The following THOC2 variants were observed in gnomAD, a reference collection of about 807,000 sequenced individuals.
THOC2 encodes THO complex subunit 2, also known as THO complex 2.
A neutral mutation model predicts 128.4 loss-of-function variants in THOC2; 10 were observed. That is an observed-to-expected ratio of 0.08 (90% CI 0.05 to 0.13). The LOEUF (loss-of-function observed/expected upper bound fraction) is 0.13. THOC2 is among the 10% of genes least tolerant of loss of function. The pLI, the probability that THOC2 is intolerant of heterozygous loss-of-function variation, is 1.00. For synonymous variants in THOC2, 393 were observed against 396.9 expected, an observed-to-expected ratio of 0.99 and a Z score of 0.12; for missense variants, 535 against 1,155.7, an observed-to-expected ratio of 0.46 and a Z score of 7.79.
chrX:123,695,147 G>A (rs1417476691), intron 7 of THOC2, among the ~76,000 whole-genome samples: 1 of 111,085 alleles, frequency 9.0e-6, no homozygotes, highest in Non-Finnish European at 1.9e-5. Flanking sequence ...AAAAGAGAAA[G>A]AACCAAGAAG....
Position 123,623,966 on chromosome X carries a change from C to T in THOC2, c.3324G>A (p.Ser1108=), listed in dbSNP as rs375768878. 1.1e-5 allele frequency: 13 copies of T among 1,188,569 alleles called. No individual in the cohort carries two copies. Among genetic ancestry groups the T allele is most frequent in the East Asian group, 3.0e-5 (1 of 33,574 alleles). ...HKWHYKLTKA[S]VHCLETGEYT... ...ATTCGCCTGTTTCAAGGCAATGTAC[C>T]GATGCCTACAACAAACATTTTCAGA... The change falls in exon 28 of 39, where the codon TCG becomes TCA. Residue 1108 remains serine (S), a synonymous_variant. Coordinates refer to ENST00000245838, the MANE Select transcript of THOC2 (RefSeq NM_001081550.2).
At chrX:123,612,878 C>A (rs1279818301) in intron 36 of THOC2, among the ~76,000 whole-genome samples, 1 of 111,281 alleles carries the variant, frequency 9.0e-6, no homozygotes, top group African/African-American at 3.3e-5. Context: ...ATGGCAGATG[C>A]GTGAGATTCA....
intron 4 of THOC2, among the ~76,000 whole-genome samples, chrX:123,698,843 CCAGCCTGGGTGA>C (rs1272145584): frequency 9.2e-6 from 1 of 108,366 alleles, no homozygotes; most frequent in Non-Finnish European, 1.9e-5. Context: ...CCACTGCACT[CCAGCCTGGGTGA>C]CAGAGTAAGA....
At chrX:123,709,379 A>C (rs1403311854) in intron 2 of THOC2, among the ~76,000 whole-genome samples, 1 of 110,588 alleles carries the variant, frequency 9.0e-6, no homozygotes, top group Non-Finnish European at 1.9e-5. Flanking sequence ...ATCACAAGGT[A>C]AGGAGACCGA....
intron 8 of THOC2, among the ~76,000 whole-genome samples, chrX:123,677,235 A>AC (rs1371306801): frequency 1.8e-5 from 2 of 111,507 alleles, no homozygotes; most frequent in Non-Finnish European, 3.8e-5. Flanking sequence ...AAAATGGTAC[A>AC]CCTGTGTAGG....
intron 10 of THOC2, among the ~76,000 whole-genome samples, chrX:123,667,718 G>GA (rs758767161): frequency 5.5e-5 from 6 of 109,221 alleles, no homozygotes; most frequent in African/African-American, 2.0e-4. Flanking sequence ...CAGCCCGGGT[G>GA]AAAGAGTGAG....
intron 4 of THOC2, 113 bp downstream of exon 4, chrX:123,703,341 G>T: frequency 4.4e-6 from 2 of 459,613 alleles, no homozygotes; most frequent in Non-Finnish European, 7.4e-6. Context: ...GAATCAATTT[G>T]CTTCTAGACT....
chrX:123,657,293 A>G (rs781101307), intron 12 of THOC2, among the ~76,000 whole-genome samples: 1 of 110,525 alleles, frequency 9.0e-6, no homozygotes, highest in African/African-American at 3.3e-5. Context: ...GAAATAGCAG[A>G]AGGAAGGAAG....
At chrX:123,665,985 T>G (rs765110212) in intron 11 of THOC2, 148 bp from the exon 12 acceptor site, 1 of 292,642 alleles carries the variant, frequency 3.4e-6, no homozygotes, top group African/African-American at 2.8e-5. Flanking sequence ...CTTTCTACAT[T>G]TCAATTGTGC....
chrX:123,640,699 C>T (rs1162722270), intron 15 of THOC2, 77 bp from the exon 16 acceptor site: 1 of 554,696 alleles, frequency 1.8e-6, no homozygotes, highest in Non-Finnish European at 2.8e-6. Flanking sequence ...GTTACATCAT[C>T]GTGGGGGAAA....
chrX:123,626,513 C>A lies in THOC2; in HGVS notation c.2899+8G>T. 8.5e-7 allele frequency: 1 copy of A among 1,173,699 alleles called. No homozygotes were observed. Among genetic ancestry groups the A allele is most frequent in the South Asian group, 1.9e-5 (1 of 51,671 alleles). The stretch of plus-strand genomic sequence containing the variant: ...AGCATCAGGAACCTAACAATTCCAA[C>A]AACTTACTTGCTAAAAGCCAGTTGT... On this transcript the variant is annotated splice_region_variant and intron_variant, in intron 24 of 38. Coordinates refer to ENST00000245838, the MANE Select transcript of THOC2 (RefSeq NM_001081550.2).
In THOC2 at chrX:123,715,154, C is replaced by A. The variant is rs1346994950; in HGVS notation, c.72-2246G>T. On this transcript the variant is annotated intron_variant, in intron 1 of 38. Transcript: ENST00000245838. ...ACCTCAGCCTCAGCACCACCACCCC[C>A]CCAACATCCCATTAGGTGGGACCAC... Among the ~76,000 whole-genome samples the A allele has an allele frequency of 4.6e-5, 5 of 107,781 alleles. No homozygotes were observed. The East Asian group carries it at 8.9e-4, about 19-fold the overall frequency. The allele number at this position is 107,781 out of a possible 115,157, so 93.6% of individuals were successfully genotyped here. A position where few individuals can be genotyped will look rare whatever the true frequency, so the allele number is the denominator to read the frequency against.
chrX:123,629,980 A>G (rs891549813), intron 22 of THOC2, among the ~76,000 whole-genome samples: 2 of 111,998 alleles, frequency 1.8e-5, no homozygotes, highest in African/African-American at 6.5e-5. Flanking sequence ...TTAAAACTAA[A>G]AATTAGTTTA....
chrX:123,657,800 G>A (rs2048661370), intron 12 of THOC2, among the ~76,000 whole-genome samples: 1 of 111,707 alleles, frequency 9.0e-6, no homozygotes, highest in Non-Finnish European at 1.9e-5. Flanking sequence ...AAGAATATAG[G>A]TCAGAAACTT....
intron 1 of THOC2, among the ~76,000 whole-genome samples, chrX:123,725,032 C>G (rs1488121044): frequency 8.9e-6 from 1 of 111,775 alleles, no homozygotes; most frequent in Non-Finnish European, 1.9e-5. Context: ...GAGCCAAGAT[C>G]ACACCAGTGA....
At chrX:123,731,840 T>G (rs1164156770) in intron 1 of THOC2, among the ~76,000 whole-genome samples, 1 of 111,547 alleles carries the variant, frequency 9.0e-6, no homozygotes, top group Non-Finnish European at 1.9e-5. Flanking sequence ...GTAACGAAGT[T>G]ACAAAGATTT....
chrX:123,637,893 G>T, intron 18 of THOC2, 150 bp downstream of exon 18: 2 of 410,271 alleles, frequency 4.9e-6, no homozygotes, highest in Non-Finnish European at 8.4e-6. Flanking sequence ...ACATAGCCAA[G>T]GGCTCTGCAG....
chrX:123,697,810 G>A, intron 4 of THOC2, 59 bp from the exon 5 acceptor site: 2 of 493,998 alleles, frequency 4.0e-6, no homozygotes, highest in Non-Finnish European at 6.6e-6. Flanking sequence ...CAGCACTAAA[G>A]TAAGATACTT....
At chrX:123,668,928 C>A (rs1339062258) in intron 9 of THOC2, among the ~76,000 whole-genome samples, 2 of 111,411 alleles carry the variant, frequency 1.8e-5, no homozygotes, top group East Asian at 5.6e-4. Flanking sequence ...CAAACAGTCA[C>A]CTTGTATGAG....
Sources: gnomAD v4.1 joint callset for allele counts (sites outside exome capture counted in the v4.1 genomes callset) on GRCh38, gnomAD v4.1.1 for gene constraint, MANE v1.5 for transcripts, NCBI Gene and HGNC (gene_info 2026-07-23, HGNC 2026-07-21) for gene names.